Variants in TLR1 observed in about 807,000 individuals in gnomAD.
The protein encoded by TLR1 is toll like receptor 1, also known as toll-like receptor 1.
In TLR1, 19 loss-of-function variants were observed where a neutral mutation model predicts 20.2. That is an observed-to-expected ratio of 0.94 (90% CI 0.66 to 1.38). The LOEUF is 1.38. Ranked by LOEUF, TLR1 falls within the 40% of genes most tolerant of loss-of-function variation. TLR1 has a pLI of 0.00. For synonymous variants in TLR1, 320 were observed against 334.5 expected, an observed-to-expected ratio of 0.96 and a Z score of 0.47; for missense variants, 921 against 910.0, an observed-to-expected ratio of 1.01 and a Z score of -0.16.
Position 38,796,490 on chromosome 4 carries a change from G to T in TLR1, c.2342C>A (p.Thr781Lys). 1.2e-6 allele frequency: 2 copies of T among 1,606,982 alleles called. No individual in the cohort carries two copies. Among genetic ancestry groups the T allele is most frequent in the Non-Finnish European group, 1.7e-6 (2 of 1,174,094 alleles). ...NLRAAINIKL[T>K]EQAKK ...TGTAATCTATTTCTTTGCTTGCTCT[G>T]TCAGCTTAATATTAATGGCTGCCCT... The change falls in exon 4 of 4, where the codon ACA becomes AAA. Residue 781 changes from threonine (T) to lysine (K), a missense_variant. Coordinates refer to ENST00000308979, the MANE Select transcript of TLR1 (RefSeq NM_003263.4).
chr4:38,796,495 C>G lies in TLR1; in HGVS notation c.2337G>C (p.Lys779Asn). 1 of 1,611,342 alleles carries G rather than the reference C, an allele frequency of 6.2e-7. No individual in the cohort carries two copies. Among genetic ancestry groups the G allele is most frequent in the East Asian group, 2.2e-5 (1 of 44,794 alleles). Reference protein sequence around the residue: ...WANLRAAINIKLTEQAKK With the variant: ...WANLRAAININLTEQAKK ...TCTATTTCTTTGCTTGCTCTGTCAG[C>G]TTAATATTAATGGCTGCCCTTAAGT... Residue 779 changes from lysine (K) to asparagine (N), a missense_variant, in exon 4 of 4, where the codon AAG (lysine) becomes AAC (asparagine). Transcript: ENST00000308979.
chr4:38,804,090 T>C (rs544012001), intron 2 of TLR1, among the ~76,000 whole-genome samples: 2 of 152,252 alleles, frequency 1.3e-5, no homozygotes, highest in South Asian at 2.1e-4. Context: ...GTTCAAGAAC[T>C]GTTCTGCTTT....
chr4:38,791,388 A>G (rs1428630751), downstream of TLR1, among the ~76,000 whole-genome samples: 1 of 152,184 alleles, frequency 6.6e-6, no homozygotes, highest in Non-Finnish European at 1.5e-5. Context: ...TTTTGGGCTG[A>G]CCATGCTTAT....
downstream of TLR1, among the ~76,000 whole-genome samples, chr4:38,793,324 T>G (rs1725838433): frequency 1.3e-5 from 2 of 152,152 alleles, no homozygotes; most frequent in Admixed American, 1.3e-4. Flanking sequence ...TAAGACTATA[T>G]TTTACAAATA....
Position 38,797,586 on chromosome 4 carries a change from T to C in TLR1, c.1246A>G (p.Lys416Glu). ...CTTTTAGTCCAAGAACAGTCTCCTT[T>C]CTTTTCATCATAGCTTACAGAATTC... is the stretch of plus-strand genomic sequence containing the variant. ...SQNSVSYDEK[K>E]GDCSWTKSLL... The change falls in exon 4 of 4, where the codon AAA becomes GAA. Residue 416 changes from lysine (K) to glutamate (E), a missense_variant. Physicochemically the swap from Lys to Glu is moderately conservative, Grantham distance 56. Coordinates refer to ENST00000308979, the MANE Select transcript of TLR1 (RefSeq NM_003263.4). 6.2e-7 allele frequency: 1 copy of C among 1,613,760 alleles called. No individual in the cohort carries two copies.
chr4:38,799,057 A>T (rs1405419868), intron 3 of TLR1, among the ~76,000 whole-genome samples, 159 bp from the exon 4 acceptor site: 1 of 152,222 alleles, frequency 6.6e-6, no homozygotes, highest in African/African-American at 2.4e-5. Context: ...AAGTATATAT[A>T]TTGGTAAATA....
exon 4 of TLR1, chr4:38,791,136 AG>A (rs1725707453): frequency 6.6e-6 from 1 of 152,282 alleles, no homozygotes; most frequent in South Asian, 2.1e-4. Context: ...CCAAAGTGAC[AG>A]GGAGCTACCA....
At chr4:38,788,244 G>A (rs527306973), downstream of TLR1, among the ~76,000 whole-genome samples, 1 of 151,912 alleles carries the variant, frequency 6.6e-6, no homozygotes, top group Admixed American at 6.6e-5. Context: ...AGGATGGAAG[G>A]CAAAGAACAA....
rs771205452 is a variant in TLR1 at position 38,797,082 on chromosome 4, C to T, written c.1750G>A (p.Val584Ile). 1.3e-5 allele frequency: 21 copies of T among 1,614,020 alleles called. No homozygotes were observed. In the Admixed American group the frequency reaches 1.3e-4, roughly 10 times the overall value. The change falls in exon 4 of 4, where the codon GTC (valine) becomes ATC (isoleucine). Residue 584 changes from valine to isoleucine, a missense_variant. Physicochemically the swap from Val to Ile is conservative, Grantham distance 29. Transcript: ENST00000308979. ...ACCAGCATGGTGGCAACGATGGTGA[C>T]GATCAGCAGAGTTATGTTGCAGGAT... ...ELSCNITLLIVTIVATMLVLA... is the reference protein window; with the variant it reads ...ELSCNITLLIITIVATMLVLA...
Position 38,798,704 on chromosome 4 carries a change from A to AG in TLR1, c.127dup (p.Leu43ProfsTer17). 1 of 1,613,948 alleles carries AG rather than the reference A, an allele frequency of 6.2e-7. No homozygotes were observed. Among genetic ancestry groups the AG allele is most frequent in the African/African-American group, 1.3e-5 (1 of 75,054 alleles). ...ATTTAAGATTGTTGTTTTCTGGGAT[A>AG]GGTCTTTAGGAACGTGGATGAGACC... On this transcript the variant is annotated frameshift_variant, in exon 4 of 4. Transcript: ENST00000308979. LOFTEE classifies it low-confidence loss of function (END_TRUNC).
At chr4:38,790,567 G>A (rs552825269), downstream of TLR1, 15 of 152,144 alleles carry the variant, frequency 9.9e-5, no homozygotes, top group Non-Finnish European at 1.8e-4. Flanking sequence ...CTTGGTTTGG[G>A]TCTTTGAACT....
Position 38,796,433 on chromosome 4 carries a change from A to T in TLR1, c.*38T>A. On this transcript the variant is annotated 3_prime_UTR_variant, in exon 4 of 4. Transcript: ENST00000308979. ...ATTGTTGGAACTTCCAAAAGCAGCA[A>T]TATCAACAGGAGGAATATTTTTCAC... The T allele has an allele frequency of 1.3e-6, 2 of 1,582,906 alleles. No individual in the cohort carries two copies. Among genetic ancestry groups the T allele is most frequent in the Non-Finnish European group, 1.7e-6 (2 of 1,160,674 alleles).
At chr4:38,787,862 A>G (rs1485116752), downstream of TLR1, among the ~76,000 whole-genome samples, 1 of 152,144 alleles carries the variant, frequency 6.6e-6, no homozygotes, top group African/African-American at 2.4e-5. Flanking sequence ...CTTGAACTCT[A>G]ATGCACCCAC....
rs769352235 is a variant in TLR1 at position 38,796,919 on chromosome 4, T to A, written c.1913A>T (p.His638Leu). The A allele has an allele frequency of 1.2e-5, 19 of 1,614,124 alleles. 1 individual carries two copies. The South Asian group carries it at 1.5e-4, about 13-fold the overall frequency. Reference protein sequence around the residue: ...LEELQRNLQFHAFISYSGHDS... With the variant: ...LEELQRNLQFLAFISYSGHDS... ...GTGCCCACTATATGAAATAAATGCA[T>A]GAAACTGGAGATTTCTTTGGAGTTC... Residue 638 changes from histidine (H) to leucine (L), a missense_variant, in exon 4 of 4, where the codon CAT becomes CTT. Transcript: ENST00000308979.
At chr4:38,805,337 G>C (rs1030453765), upstream of TLR1, 6 of 152,132 alleles carry the variant, frequency 3.9e-5, no homozygotes, top group African/African-American at 1.4e-4. Context: ...AGAAAATTTG[G>C]TGCTGAATTT....
downstream of TLR1, among the ~76,000 whole-genome samples, chr4:38,789,926 C>T (rs75644719): frequency 0.026 from 3,912 of 152,152 alleles, 171 homozygotes; most frequent in African/African-American, 0.085. Flanking sequence ...TATGATTATG[C>T]TTTTTGGTTT....
chr4:38,804,608 C>A (rs911281633), intron 1 of TLR1, 146 bp downstream of exon 1: 9 of 152,194 alleles, frequency 5.9e-5, no homozygotes, highest in African/African-American at 2.2e-4. Flanking sequence ...AATGCCAGTA[C>A]AAACTACACA....
In TLR1 at chr4:38,796,673, T is replaced by G. The variant is rs113706342; in HGVS notation, c.2159A>C (p.His720Pro). 6.7e-3 allele frequency: 10,884 copies of G among 1,614,174 alleles called. 56 individuals are homozygous for G. Among genetic ancestry groups the G allele is most frequent in the Non-Finnish European group, 7.8e-3 (9,230 of 1,180,026 alleles). The stretch of plus-strand genomic sequence containing the variant: ...CAGGATTAAGCTATTAGATCCTTCA[T>G]GAAAGAGATTGTGATGGGCAAAGTA... ...ELYFAHHNLF[H>P]EGSNSLILIL... Residue 720 changes from histidine to proline, a missense_variant, in exon 4 of 4, where the codon CAT becomes CCT. By Grantham distance (77) the His-to-Pro change is moderately conservative. Transcript: ENST00000308979.
In TLR1 at chr4:38,798,038, A is replaced by G; in HGVS notation, c.794T>C (p.Leu265Pro). Reference sequence around the variant, plus strand: ...TACAGTTGTATGCCAAACCAGCTGGAGGATCCTAATGAAAGAATTCCAAGT... The same window carrying G: ...TACAGTTGTATGCCAAACCAGCTGGGGGATCCTAATGAAAGAATTCCAAGT... ...ETTWNSFIRI[L>P]QLVWHTTVWY... is the part of the protein sequence containing the mutation. The change falls in exon 4 of 4, where the codon CTC becomes CCC. Residue 265 changes from leucine to proline, a missense_variant. Transcript: ENST00000308979. 6.2e-7 allele frequency: 1 copy of G among 1,614,096 alleles called. No homozygotes were observed. The highest frequency in any genetic ancestry group is 8.5e-7 in the Non-Finnish European group (1 of 1,179,968).
Sources: gnomAD v4.1 joint callset for allele counts (sites outside exome capture counted in the v4.1 genomes callset) on GRCh38, gnomAD v4.1.1 for gene constraint, MANE v1.5 for transcripts, NCBI Gene and HGNC (gene_info 2026-07-23, HGNC 2026-07-21) for gene names.